HSF2BP: variants seen among roughly 807,000 people sequenced by gnomAD.
The protein encoded by HSF2BP is heat shock transcription factor 2 binding protein, also known as heat shock factor 2-binding protein.
HSF2BP carries 35 observed loss-of-function variants against 35.0 expected under a neutral mutation model. The ratio of observed to expected loss-of-function variants is 1.00; its 90% CI spans 0.76 to 1.32. HSF2BP has a LOEUF of 1.32. Ranked by LOEUF, HSF2BP falls within the 40% of genes most tolerant of loss-of-function variation. HSF2BP has a pLI of 0.00. For synonymous variants in HSF2BP, 114 were observed against 117.4 expected, an observed-to-expected ratio of 0.97 and a Z score of 0.18; for missense variants, 326 against 321.7, an observed-to-expected ratio of 1.01 and a Z score of -0.10.
intron 3 of HSF2BP, among the ~76,000 whole-genome samples, chr21:43,651,329 G>A (rs75971948): frequency 6.6e-6 from 1 of 152,050 alleles, no homozygotes; most frequent in Non-Finnish European, 1.5e-5. Context: ...AGATGATCCT[G>A]TATCTCCATA....
intron 3 of HSF2BP, among the ~76,000 whole-genome samples, chr21:43,656,348 G>C (rs2082867950): frequency 6.6e-6 from 1 of 152,224 alleles, no homozygotes; most frequent in Admixed American, 6.5e-5. Context: ...AATGAAGAGA[G>C]AGAGAAAGAG....
the HSF2BP span, among the ~76,000 whole-genome samples, chr21:43,495,946 G>T: frequency 3.5e-5 from 4 of 114,424 alleles, 1 homozygote; most frequent in African/African-American, 9.8e-5. Flanking sequence ...TCCCAGGAGT[G>T]GTGCTCTATA....
chr21:43,577,268 G>A lies in HSF2BP; in HGVS notation c.796+14957C>T, dbSNP rs1291426001. Among the ~76,000 whole-genome samples, 5 of 152,212 alleles carry A rather than the reference G, an allele frequency of 3.3e-5. No individual in the cohort carries two copies. The South Asian group carries it at 8.3e-4, about 25-fold the overall frequency. On this transcript the variant is annotated intron_variant, in intron 8 of 8. Transcript: ENST00000291560. ...TGAAGATGTTACCTCCAATTATCAC[G>A]CCTTCTTTATTTCCCTTTATTCTGC...
intron 4 of HSF2BP, among the ~76,000 whole-genome samples, chr21:43,641,623 C>T (rs1472030224): frequency 1.3e-5 from 2 of 152,062 alleles, no homozygotes; most frequent in African/African-American, 4.8e-5. Flanking sequence ...TAACTTCTGC[C>T]TTTTCCTAGT....
At position 43,617,116 on chromosome 21, in the gene HSF2BP, C is replaced by A. The variant is rs549919599; in HGVS notation, c.575-3169G>T. ...GAGCAGAAGCAGCAAACTGTCCCTG[C>A]CAAGCCTGACCAAACTGTAGACCCA... On this transcript the variant is annotated intron_variant, in intron 6 of 8. Coordinates refer to ENST00000291560, the MANE Select transcript of HSF2BP (RefSeq NM_007031.2). 1.1e-4 allele frequency among the ~76,000 whole-genome samples: 16 copies of A among 152,094 alleles called. No homozygotes were observed. The East Asian group carries it at 2.1e-3, about 20-fold the overall frequency.
rs140017395 is a variant in HSF2BP, at chr21:43,651,468, T to C, written c.187+5119A>G. Among the ~76,000 whole-genome samples, 682 of 152,250 alleles carry C rather than the reference T, an allele frequency of 4.5e-3. 8 individuals carry two copies. Among genetic ancestry groups the C allele is most frequent in the African/African-American group, 0.016 (645 of 41,550 alleles). Reference sequence around the variant, plus strand: ...TAATGGAACTCACGACCTTCCTTGATGAATGCTCTAATTCATCTTCCACCC... The same window carrying C: ...TAATGGAACTCACGACCTTCCTTGACGAATGCTCTAATTCATCTTCCACCC... On this transcript the variant is annotated intron_variant, in intron 3 of 8. Coordinates refer to ENST00000291560, the MANE Select transcript of HSF2BP (RefSeq NM_007031.2).
chr21:43,652,490 G>A (rs1379280948), intron 3 of HSF2BP, among the ~76,000 whole-genome samples: 1 of 151,562 alleles, frequency 6.6e-6, no homozygotes, highest in Non-Finnish European at 1.5e-5. Flanking sequence ...TAGTGGGAGA[G>A]TAGAAGAATC....
intron 7 of HSF2BP, among the ~76,000 whole-genome samples, chr21:43,604,253 CAT>C (rs2082086861): frequency 1.4e-5 from 2 of 144,634 alleles, no homozygotes; most frequent in Admixed American, 1.4e-4. Flanking sequence ...CACTCACACA[CAT>C]CACACATACC....
At chr21:43,637,230 C>T (rs2082575087) in intron 4 of HSF2BP, among the ~76,000 whole-genome samples, 1 of 152,034 alleles carries the variant, frequency 6.6e-6, no homozygotes. Flanking sequence ...TATTGTTTTG[C>T]AATAAAAAAG....
chr21:43,636,123 A>G (rs978817487), intron 4 of HSF2BP, among the ~76,000 whole-genome samples: 1 of 150,748 alleles, frequency 6.6e-6, no homozygotes, highest in African/African-American at 2.4e-5. Flanking sequence ...TGGAAGGTCG[A>G]AGCTGAAGTG....
intron 4 of HSF2BP, among the ~76,000 whole-genome samples, chr21:43,636,896 A>G (rs1400674986): frequency 1.7e-4 from 3 of 17,954 alleles, no homozygotes; most frequent in African/African-American, 1.1e-3. Flanking sequence ...TCTCAAAACA[A>G]AAAAAAAAAA....
At chr21:43,643,712 C>A (rs949056581) in intron 4 of HSF2BP, among the ~76,000 whole-genome samples, 1 of 152,126 alleles carries the variant, frequency 6.6e-6, no homozygotes, top group African/African-American at 2.4e-5. Context: ...TAATCCCAGC[C>A]CTTTGGGAGG....
At chr21:43,625,756 C>A (rs1275663054) in intron 6 of HSF2BP, among the ~76,000 whole-genome samples, 2 of 152,138 alleles carry the variant, frequency 1.3e-5, no homozygotes, top group African/African-American at 4.8e-5. Flanking sequence ...CAGTCAAATT[C>A]ATTAACATGC....
At chr21:43,605,999 C>T (rs1207133146) in intron 7 of HSF2BP, among the ~76,000 whole-genome samples, 1 of 152,126 alleles carries the variant, frequency 6.6e-6, no homozygotes, top group Non-Finnish European at 1.5e-5. Flanking sequence ...GAGGGCCAAG[C>T]TGAGGCGGCC....
At chr21:43,637,966 T>C (rs572385738) in intron 4 of HSF2BP, among the ~76,000 whole-genome samples, 2 of 152,310 alleles carry the variant, frequency 1.3e-5, no homozygotes, top group African/African-American at 2.4e-5. Context: ...GGCAAAGATA[T>C]CCACTCTCAC....
chr21:43,644,306 TG>T lies in HSF2BP; in HGVS notation c.273del (p.Asp91GlufsTer3), dbSNP rs1251216632. The T allele has an allele frequency of 1.9e-6, 3 of 1,613,812 alleles. No homozygotes were observed. The highest frequency in any genetic ancestry group is 2.5e-6 in the Non-Finnish European group (3 of 1,179,760). ...CATGGTACCTTCTTCTCTCTTATGT[TG>T]TCGGCCTGCACGGTTTCCAGGCGGG... is the stretch of plus-strand genomic sequence containing the variant. Reference protein sequence around the residue: ...FKARLETVQADNIREKKEKLA... With the variant: ...FKARLETVQAXNIREKKEKLA... On this transcript the variant is annotated frameshift_variant, in exon 4 of 9. Coordinates refer to ENST00000291560, the MANE Select transcript of HSF2BP (RefSeq NM_007031.2). LOFTEE classifies it high-confidence loss of function.
At chr21:43,576,399 C>T (rs1426326984) in intron 8 of HSF2BP, among the ~76,000 whole-genome samples, 1 of 152,234 alleles carries the variant, frequency 6.6e-6, no homozygotes, top group African/African-American at 2.4e-5. Flanking sequence ...AGTGTCCCCA[C>T]ATATAAACTA....
At chr21:43,575,785 A>G (rs1055521101) in intron 8 of HSF2BP, among the ~76,000 whole-genome samples, 1 of 152,294 alleles carries the variant, frequency 6.6e-6, no homozygotes, top group South Asian at 2.1e-4. Context: ...ATTAGTGCAC[A>G]CTAAAAGACA....
At chr21:43,628,560 A>G (rs948976198) in intron 6 of HSF2BP, among the ~76,000 whole-genome samples, 1 of 152,272 alleles carries the variant, frequency 6.6e-6, no homozygotes, top group African/African-American at 2.4e-5. Context: ...TCCATAACAT[A>G]AAAACAACGT....
Sources: gnomAD v4.1 joint callset for allele counts (sites outside exome capture counted in the v4.1 genomes callset) on GRCh38, gnomAD v4.1.1 for gene constraint, MANE v1.5 for transcripts, NCBI Gene and HGNC (gene_info 2026-07-23, HGNC 2026-07-21) for gene names.